Variants in ACSBG1 observed in about 807,000 individuals in gnomAD.
ACSBG1 encodes the protein acyl-CoA synthetase bubblegum family member 1.
Under a neutral mutation model 80.2 loss-of-function variants are expected in ACSBG1, and 39 were observed. The ratio of observed to expected loss-of-function variants is 0.49; its 90% CI spans 0.38 to 0.64. ACSBG1 has a LOEUF of 0.64. Among genes scored for constraint, ACSBG1 ranks in the 30% least tolerant of loss-of-function variants. ACSBG1 has a pLI of 0.00. For missense variants in ACSBG1, 828 were observed against 966.4 expected, an observed-to-expected ratio of 0.86 and a Z score of 1.90; for synonymous variants, 392 against 379.5, an observed-to-expected ratio of 1.03 and a Z score of -0.38.
At chr15:78,220,250 A>T (rs1400367751) in intron 1 of ACSBG1, among the ~76,000 whole-genome samples, 1 of 152,264 alleles carries the variant, frequency 6.6e-6, no homozygotes, top group African/African-American at 2.4e-5. Flanking sequence ...TGTCTTTTCA[A>T]CAAATAATGC....
chr15:78,203,234 C>T (rs1361580870), intron 2 of ACSBG1, among the ~76,000 whole-genome samples: 1 of 152,224 alleles, frequency 6.6e-6, no homozygotes, highest in Non-Finnish European at 1.5e-5. Context: ...ACCATCAGCT[C>T]TGTCCCATGC....
intron 5 of ACSBG1, among the ~76,000 whole-genome samples, chr15:78,186,100 T>A (rs889641215): frequency 6.6e-6 from 1 of 152,198 alleles, no homozygotes; most frequent in Admixed American, 6.5e-5. Context: ...ATGTTTAGGA[T>A]AGTTAGCTCT....
chr15:78,220,163 G>A lies in ACSBG1; in HGVS notation c.132-12061C>T, dbSNP rs114409370. Among the ~76,000 whole-genome samples, 462 of 152,286 alleles carry A rather than the reference G, an allele frequency of 3.0e-3. 1 individual carries two copies. Among genetic ancestry groups the A allele is most frequent in the African/African-American group, 0.01 (416 of 41,552 alleles). On this transcript the variant is annotated intron_variant, in intron 1 of 13. Coordinates refer to ENST00000258873, the MANE Select transcript of ACSBG1 (RefSeq NM_015162.5). The stretch of plus-strand genomic sequence containing the variant: ...ATATAGGTGAATGAAATAGAATTAA[G>A]AATTCAGAAATCAACTCACATTTAA...
At chr15:78,193,045 CTG>C (rs2075070261) in intron 5 of ACSBG1, among the ~76,000 whole-genome samples, 1 of 152,192 alleles carries the variant, frequency 6.6e-6, no homozygotes, top group South Asian at 2.1e-4. Context: ...TCTGCCCAAA[CTG>C]TGTCTGACTT....
intron 5 of ACSBG1, among the ~76,000 whole-genome samples, chr15:78,186,739 C>T (rs1391773488): frequency 6.6e-6 from 1 of 152,112 alleles, no homozygotes. Flanking sequence ...CCAGAATTGA[C>T]ACCCTAACAT....
intron 2 of ACSBG1, among the ~76,000 whole-genome samples, chr15:78,205,931 A>G (rs1171720811): frequency 6.6e-6 from 1 of 152,174 alleles, no homozygotes. Flanking sequence ...AATGAGAAAG[A>G]GTCCAAGCTC....
chr15:78,224,729 A>C (rs1439366549), intron 1 of ACSBG1, among the ~76,000 whole-genome samples: 2 of 152,208 alleles, frequency 1.3e-5, no homozygotes, highest in Admixed American at 1.3e-4. Context: ...TCAAAAAAAA[A>C]AGAAATTTAT....
intron 5 of ACSBG1, among the ~76,000 whole-genome samples, chr15:78,193,143 C>T (rs887615226): frequency 6.6e-6 from 1 of 152,164 alleles, no homozygotes; most frequent in Non-Finnish European, 1.5e-5. Context: ...ATGTCACAGC[C>T]CTAAGCCACT....
intron 1 of ACSBG1, among the ~76,000 whole-genome samples, chr15:78,220,343 T>C (rs757189891): frequency 2.0e-5 from 3 of 152,170 alleles, no homozygotes; most frequent in Non-Finnish European, 2.9e-5. Context: ...GTATAAAAGA[T>C]CTAAACCTAA....
chr15:78,218,287 A>AGGGG (rs2075329284), intron 1 of ACSBG1, among the ~76,000 whole-genome samples: 1 of 107,168 alleles, frequency 9.3e-6, no homozygotes, highest in African/African-American at 3.4e-5. Context: ...GAGTGGGGGT[A>AGGGG]GGGGTGAAGC....
At chr15:78,194,791 C>T (rs1305322712) in intron 2 of ACSBG1, 65 bp from the exon 3 acceptor site, 3 of 1,514,952 alleles carry the variant, frequency 2.0e-6, no homozygotes, top group Admixed American at 3.5e-5. Context: ...CTGCCCTGGG[C>T]AGAGCTCGCA....
chr15:78,183,805 G>A (rs2074973111), intron 5 of ACSBG1, among the ~76,000 whole-genome samples: 1 of 150,714 alleles, frequency 6.6e-6, no homozygotes, highest in Non-Finnish European at 1.5e-5. Flanking sequence ...CTACTTGGGA[G>A]GCTGAGGCAG....
chr15:78,201,612 C>T (rs2075168616), intron 2 of ACSBG1, among the ~76,000 whole-genome samples: 2 of 152,230 alleles, frequency 1.3e-5, no homozygotes, highest in Non-Finnish European at 2.9e-5. Flanking sequence ...AAGACAGATG[C>T]ATCTTCTAGC....
At chr15:78,228,188 A>G (rs184043320) in intron 1 of ACSBG1, among the ~76,000 whole-genome samples, 58 of 152,128 alleles carry the variant, frequency 3.8e-4, no homozygotes, top group African/African-American at 1.4e-3. Context: ...AGTGTTCCTC[A>G]CAGGCTCCTT....
chr15:78,194,399 T>C, intron 3 of ACSBG1, 107 bp downstream of exon 3: 1 of 1,039,150 alleles, frequency 9.6e-7, no homozygotes, highest in Non-Finnish European at 1.4e-6. Flanking sequence ...CAGTTATTGT[T>C]CCTAAGAGCC....
Position 78,234,426 on chromosome 15 carries a change from G to A in ACSBG1, c.76C>T (p.Gln26Ter), listed in dbSNP as rs772527054. 6 of 1,613,000 alleles carry A rather than the reference G, an allele frequency of 3.7e-6. No homozygotes were observed. In the Admixed American group the frequency reaches 6.7e-5, roughly 18 times the overall value. ...ACAATCATGTCCTGCCGGCTCTCCT[G>A]TGGGGTCTCTCTGCTGTCCAGCATG... ...PSMLDSRETP[Q>*]ESRQDMIVRT... is the part of the protein sequence containing the mutation. The change falls in exon 1 of 14, where the codon CAG becomes TAG. Residue 26 changes from glutamine to a stop codon, truncating the protein, a stop_gained. Coordinates refer to ENST00000258873, the MANE Select transcript of ACSBG1 (RefSeq NM_015162.5). LOFTEE classifies it high-confidence loss of function.
chr15:78,187,781 C>T (rs968792366), intron 5 of ACSBG1, among the ~76,000 whole-genome samples: 17 of 152,188 alleles, frequency 1.1e-4, no homozygotes, highest in African/African-American at 3.9e-4. Flanking sequence ...GGGATGCCCT[C>T]TCTCACCACT....
intron 3 of ACSBG1, 76 bp from the exon 4 acceptor site, chr15:78,194,096 C>T: frequency 6.9e-7 from 1 of 1,444,336 alleles, no homozygotes; most frequent in Non-Finnish European, 9.7e-7. Flanking sequence ...GAGCCCCCAC[C>T]CAGACTGCAG....
chr15:78,182,982 T>C, intron 5 of ACSBG1, 197 bp from the exon 6 acceptor site: 1 of 616,400 alleles, frequency 1.6e-6, no homozygotes, highest in Non-Finnish European at 2.9e-6. Context: ...AAGGTGGGGA[T>C]AGCCAGGGGA....
Sources: gnomAD v4.1 joint callset for allele counts (sites outside exome capture counted in the v4.1 genomes callset) on GRCh38, gnomAD v4.1.1 for gene constraint, MANE v1.5 for transcripts, NCBI Gene and HGNC (gene_info 2026-07-23, HGNC 2026-07-21) for gene names.